The following KIAA0319L variants were observed in gnomAD, a reference collection of about 807,000 sequenced individuals.
The protein encoded by KIAA0319L is dyslexia-associated protein KIAA0319-like protein.
KIAA0319L carries 55 observed loss-of-function variants against 120.1 expected under a neutral mutation model. The ratio of observed to expected loss-of-function variants is 0.46; its 90% CI spans 0.37 to 0.57. KIAA0319L has a LOEUF of 0.57. KIAA0319L is among the 20% of genes least tolerant of loss of function. The pLI, the probability that KIAA0319L is intolerant of heterozygous loss-of-function variation, is 0.00. For missense variants in KIAA0319L, 1,049 were observed against 1,255.3 expected, an observed-to-expected ratio of 0.84 and a Z score of 2.48; for synonymous variants, 398 against 471.9, an observed-to-expected ratio of 0.84 and a Z score of 2.03.
At position 35,434,985 on chromosome 1, in the gene KIAA0319L, T is replaced by A. The variant is rs1640668259; in HGVS notation, c.3059A>T (p.Glu1020Val). 6.2e-7 allele frequency: 1 copy of A among 1,614,070 alleles called. No homozygotes were observed. Among genetic ancestry groups the A allele is most frequent in the Admixed American group, 1.7e-5 (1 of 60,016 alleles). Residue 1020 changes from glutamate (E) to valine (V), a missense_variant, in exon 21 of 21, where the codon GAG becomes GTG. Glu to Val is a moderately radical substitution (Grantham distance 121, BLOSUM62 -2). Transcript: ENST00000325722. ...DDAIFTWPDR[E>V]KGKLLHGQNG... ...CTGACCATGCAGGAGTTTGCCCTTC[T>A]CTCGGTCTGGCCATGTAAAGATGGC...
At chr1:35,519,993 T>C (rs1309737819) in intron 2 of KIAA0319L, among the ~76,000 whole-genome samples, 3 of 152,208 alleles carry the variant, frequency 2.0e-5, no homozygotes, top group Non-Finnish European at 2.9e-5. Flanking sequence ...TCTAAGTAAA[T>C]GGTCTCCATT....
chr1:35,526,259 C>CATAT lies in KIAA0319L; in HGVS notation c.143-19128_143-19125dup, dbSNP rs968787016. 6.9e-5 allele frequency among the ~76,000 whole-genome samples: 10 copies of CATAT among 145,310 alleles called. No individual in the cohort carries two copies. In the South Asian group the frequency reaches 8.5e-4, roughly 12 times the overall value. ...GTTTTGGTTACTAGAATTTTATATA[C>CATAT]ATATATATATATATGTATATATTTA... On this transcript the variant is annotated intron_variant, in intron 2 of 20. Coordinates refer to ENST00000325722, the MANE Select transcript of KIAA0319L (RefSeq NM_024874.5).
chr1:35,480,490 A>G (rs1015840267), intron 3 of KIAA0319L, among the ~76,000 whole-genome samples: 1 of 152,136 alleles, frequency 6.6e-6, no homozygotes, highest in Non-Finnish European at 1.5e-5. Flanking sequence ...ATTTTTTAAA[A>G]ATCAAATTCG....
chr1:35,522,660 A>G (rs1433336239), intron 2 of KIAA0319L, among the ~76,000 whole-genome samples: 2 of 152,174 alleles, frequency 1.3e-5, no homozygotes, highest in East Asian at 3.9e-4. Context: ...TTAAACAAAC[A>G]AAATTTTCAA....
chr1:35,469,909 C>G (rs1409755093), intron 6 of KIAA0319L, among the ~76,000 whole-genome samples: 3 of 152,012 alleles, frequency 2.0e-5, no homozygotes, highest in African/African-American at 7.2e-5. Flanking sequence ...CACTTTGTCA[C>G]CTGGGCTTTA....
chr1:35,456,264 G>A (rs1642446598), intron 9 of KIAA0319L, 23 bp from the exon 10 acceptor site: 1 of 1,449,578 alleles, frequency 6.9e-7, no homozygotes, highest in Non-Finnish European at 9.4e-7. Flanking sequence ...AGAGAGGAGT[G>A]TGATCAGGGA....
At chr1:35,470,994 A>T in intron 5 of KIAA0319L, 34 bp from the exon 6 acceptor site, 1 of 1,142,824 alleles carries the variant, frequency 8.8e-7, no homozygotes, top group African/African-American at 1.5e-5. Flanking sequence ...TCATGAAAAC[A>T]CACACCAACA....
chr1:35,524,883 CAAT>C (rs1646059385), intron 2 of KIAA0319L, among the ~76,000 whole-genome samples: 1 of 152,224 alleles, frequency 6.6e-6, no homozygotes, highest in African/African-American at 2.4e-5. Context: ...TTTAAATATA[CAAT>C]ACATTGTTGT....
chr1:35,510,936 A>C (rs1045773050), intron 2 of KIAA0319L: 7 of 152,208 alleles, frequency 4.6e-5, no homozygotes, highest in Admixed American at 2.0e-4. Flanking sequence ...AAATGTAAGG[A>C]ATGTGGGAAA....
intron 16 of KIAA0319L, among the ~76,000 whole-genome samples, chr1:35,445,945 T>A (rs1404309654): frequency 1.3e-5 from 2 of 152,170 alleles, no homozygotes; most frequent in East Asian, 3.9e-4. Flanking sequence ...ATCTTTCCAC[T>A]GCTTGCCAGC....
chr1:35,457,998 C>T (rs1396358443), intron 9 of KIAA0319L, among the ~76,000 whole-genome samples: 3 of 152,028 alleles, frequency 2.0e-5, no homozygotes, highest in Non-Finnish European at 4.4e-5. Context: ...TGCAGTGGTG[C>T]GATCTCGGCT....
At chr1:35,544,589 T>C (rs911696832) in intron 2 of KIAA0319L, among the ~76,000 whole-genome samples, 4 of 152,292 alleles carry the variant, frequency 2.6e-5, no homozygotes, top group African/African-American at 9.6e-5. Context: ...GAAAGAATGA[T>C]GTTCCCTAAC....
At chr1:35,465,867 T>C (rs1463909589) in intron 7 of KIAA0319L, among the ~76,000 whole-genome samples, 2 of 152,196 alleles carry the variant, frequency 1.3e-5, no homozygotes, top group African/African-American at 4.8e-5. Flanking sequence ...GGGAGTTTCC[T>C]TGCACAAACT....
At chr1:35,501,319 T>C (rs992425849) in intron 3 of KIAA0319L, among the ~76,000 whole-genome samples, 1 of 152,210 alleles carries the variant, frequency 6.6e-6, no homozygotes, top group Non-Finnish European at 1.5e-5. Context: ...CCATTTCTAA[T>C]TTCACGGGCC....
At chr1:35,502,421 GTCA>G (rs138233952) in intron 3 of KIAA0319L, among the ~76,000 whole-genome samples, 1,539 of 149,854 alleles carry the variant, frequency 0.01, 13 homozygotes, top group Middle Eastern at 0.031. Context: ...TATTGCTGCT[GTCA>G]TCATCATCAT....
chr1:35,505,396 T>G, intron 3 of KIAA0319L, among the ~76,000 whole-genome samples: 1 of 152,170 alleles, frequency 6.6e-6, no homozygotes, highest in East Asian at 1.9e-4. Flanking sequence ...TCAAGAAATG[T>G]TAAACATCTC....
At chr1:35,482,897 A>C (rs1008898412) in intron 3 of KIAA0319L, among the ~76,000 whole-genome samples, 1 of 152,202 alleles carries the variant, frequency 6.6e-6, no homozygotes, top group Non-Finnish European at 1.5e-5. Flanking sequence ...GTTATCATAT[A>C]ATCTTGACAG....
chr1:35,496,713 G>A (rs1251094130), intron 3 of KIAA0319L, among the ~76,000 whole-genome samples: 1 of 151,948 alleles, frequency 6.6e-6, no homozygotes, highest in Non-Finnish European at 1.5e-5. Flanking sequence ...GGAGGCCAAG[G>A]TGGGCAGATC....
intron 3 of KIAA0319L, among the ~76,000 whole-genome samples, chr1:35,486,864 T>C (rs1023432488): frequency 2.0e-5 from 3 of 151,982 alleles, no homozygotes; most frequent in Non-Finnish European, 4.4e-5. Context: ...TAAGCCAAGA[T>C]AGCACTACTG....
Sources: gnomAD v4.1 joint callset for allele counts (sites outside exome capture counted in the v4.1 genomes callset) on GRCh38, gnomAD v4.1.1 for gene constraint, MANE v1.5 for transcripts, NCBI Gene and HGNC (gene_info 2026-07-23, HGNC 2026-07-21) for gene names.